Variants in PTPRM observed in about 807,000 individuals in gnomAD.
The protein encoded by PTPRM is protein tyrosine phosphatase receptor type M.
In PTPRM, 47 loss-of-function variants were observed where a neutral mutation model predicts 186.7. The ratio of observed to expected loss-of-function variants is 0.25; its 90% CI spans 0.20 to 0.32. PTPRM has a LOEUF of 0.32. Ranked by LOEUF, PTPRM falls within the 10% of genes least tolerant of loss-of-function variation. The pLI is 1.00. For synonymous variants in PTPRM, 668 were observed against 674.9 expected (o/e 0.99, Z 0.16); for missense variants, 1,494 against 1,865.0 (o/e 0.80, Z 3.66).
In PTPRM at chr18:7,906,488, C is replaced by A. The variant is rs762231180; in HGVS notation, c.469-17C>A. On this transcript the variant is annotated splice_polypyrimidine_tract_variant and intron_variant, in intron 3 of 32. Transcript: ENST00000580170. ...GACAAAATGAATAAATAATGTAAAT[C>A]TTTCTTAATTTTCCAGGTGATTTTT... 1.9e-6 allele frequency: 3 copies of A among 1,577,888 alleles called. No individual in the cohort carries two copies. Among genetic ancestry groups the A allele is most frequent in the Admixed American group, 1.7e-5 (1 of 59,914 alleles).
At chr18:7,859,086 C>T (rs1280938174) in intron 2 of PTPRM, among the ~76,000 whole-genome samples, 1 of 152,188 alleles carries the variant, frequency 6.6e-6, no homozygotes, top group Non-Finnish European at 1.5e-5. Flanking sequence ...TGAGCAGCTT[C>T]ACTTATAACC....
intron 19 of PTPRM, among the ~76,000 whole-genome samples, chr18:8,272,613 G>A (rs1215603268): frequency 6.6e-6 from 1 of 152,018 alleles, no homozygotes; most frequent in East Asian, 1.9e-4. Flanking sequence ...TCAGTGCATG[G>A]AAGATTTTTA....
intron 1 of PTPRM, among the ~76,000 whole-genome samples, chr18:7,682,956 G>T (rs554426019): frequency 1.3e-5 from 2 of 152,174 alleles, no homozygotes; most frequent in African/African-American, 4.8e-5. Flanking sequence ...GCAAATTTAA[G>T]AGTAAAAAGC....
chr18:7,682,770 A>G (rs1309310828), intron 1 of PTPRM, among the ~76,000 whole-genome samples: 2 of 152,146 alleles, frequency 1.3e-5, no homozygotes, highest in African/African-American at 4.8e-5. Flanking sequence ...GCTTGGAGGA[A>G]GTCGTTTATG....
At chr18:7,867,597 G>T (rs887828714) in intron 2 of PTPRM, among the ~76,000 whole-genome samples, 1 of 152,168 alleles carries the variant, frequency 6.6e-6, no homozygotes, top group East Asian at 1.9e-4. Flanking sequence ...CCCTTTGTGG[G>T]TAACCCGACC....
chr18:8,096,194 A>G (rs2091008971), intron 11 of PTPRM, among the ~76,000 whole-genome samples: 1 of 152,234 alleles, frequency 6.6e-6, no homozygotes, highest in South Asian at 2.1e-4. Context: ...AAGGCATGCC[A>G]GCAGCACACT....
intron 2 of PTPRM, among the ~76,000 whole-genome samples, chr18:7,846,606 T>G (rs2046609714): frequency 6.6e-6 from 1 of 152,314 alleles, no homozygotes; most frequent in South Asian, 2.1e-4. Flanking sequence ...TTGTTATTGG[T>G]TTGTGTTCCT....
chr18:8,229,939 C>A (rs1040106959), intron 14 of PTPRM, among the ~76,000 whole-genome samples: 1 of 152,210 alleles, frequency 6.6e-6, no homozygotes, highest in South Asian at 2.1e-4. Context: ...TTGCAGACAC[C>A]TTTCCTCACC....
intron 9 of PTPRM, among the ~76,000 whole-genome samples, chr18:8,078,342 C>G (rs620346): frequency 6.6e-6 from 1 of 152,112 alleles, no homozygotes; most frequent in South Asian, 2.1e-4. Context: ...TACATGTTGA[C>G]CCAGATTCAG....
In PTPRM at chr18:7,739,399, A is replaced by G. The variant is rs932988882; in HGVS notation, c.74-34750A>G. Among the ~76,000 whole-genome samples the G allele has an allele frequency of 3.9e-5, 6 of 152,234 alleles. No homozygotes were observed. The South Asian group carries it at 6.2e-4, about 16-fold the overall frequency. On this transcript the variant is annotated intron_variant, in intron 1 of 32. Transcript: ENST00000580170. Reference sequence around the variant, plus strand: ...TTGCTTTCTGTCTAACATCATTTCCATAATAAACAGCAAGTAGTAAGTCAT... The same window carrying G: ...TTGCTTTCTGTCTAACATCATTTCCGTAATAAACAGCAAGTAGTAAGTCAT...
At chr18:8,313,309 T>C (rs1161764828) in intron 20 of PTPRM, among the ~76,000 whole-genome samples, 6 of 152,232 alleles carry the variant, frequency 3.9e-5, no homozygotes, top group Admixed American at 3.3e-4. Flanking sequence ...TCAGGGCAGC[T>C]GGCTTTTATC....
chr18:8,296,132 A>T (rs1429146340), intron 19 of PTPRM, among the ~76,000 whole-genome samples: 2 of 152,338 alleles, frequency 1.3e-5, no homozygotes, highest in South Asian at 4.1e-4. Context: ...TTGTGGGTTC[A>T]CTCTTCAGCT....
At chr18:7,672,846 A>G (rs192730608) in intron 1 of PTPRM, among the ~76,000 whole-genome samples, 1 of 152,316 alleles carries the variant, frequency 6.6e-6, no homozygotes, top group Non-Finnish European at 1.5e-5. Flanking sequence ...GGAACATAAA[A>G]GTCTAGTGAG....
intron 22 of PTPRM, among the ~76,000 whole-genome samples, chr18:8,337,357 G>C (rs1022567093): frequency 6.6e-6 from 1 of 152,278 alleles, no homozygotes; most frequent in East Asian, 1.9e-4. Flanking sequence ...TACTTTACAT[G>C]AGAGTGTGGG....
chr18:7,775,313 C>T (rs2042526684), intron 2 of PTPRM, among the ~76,000 whole-genome samples: 1 of 152,100 alleles, frequency 6.6e-6, no homozygotes, highest in African/African-American at 2.4e-5. Flanking sequence ...TGGTTATTTC[C>T]TTGCAGCTGC....
chr18:7,841,697 A>G (rs1291744191), intron 2 of PTPRM, among the ~76,000 whole-genome samples: 1 of 152,186 alleles, frequency 6.6e-6, no homozygotes, highest in East Asian at 1.9e-4. Flanking sequence ...CATTAGCATA[A>G]TCGTGAAACT....
At chr18:8,267,211 GCTTA>G (rs973489165) in intron 19 of PTPRM, among the ~76,000 whole-genome samples, 4 of 151,976 alleles carry the variant, frequency 2.6e-5, no homozygotes, top group African/African-American at 9.7e-5. Context: ...TATATTTTAA[GCTTA>G]CTTCTTGAAA....
chr18:8,125,968 T>C (rs2092325112), intron 13 of PTPRM, among the ~76,000 whole-genome samples: 1 of 125,818 alleles, frequency 7.9e-6, no homozygotes, highest in Non-Finnish European at 1.7e-5. Context: ...GCTATATGTG[T>C]GTGTATACAT....
chr18:8,284,804 T>G (rs1046412211), intron 19 of PTPRM, among the ~76,000 whole-genome samples: 2 of 152,138 alleles, frequency 1.3e-5, no homozygotes, highest in African/African-American at 4.8e-5. Context: ...CAAGGGCAGC[T>G]CTCTGTGTTC....
Sources: gnomAD v4.1 joint callset for allele counts (sites outside exome capture counted in the v4.1 genomes callset) on GRCh38, gnomAD v4.1.1 for gene constraint, MANE v1.5 for transcripts, NCBI Gene and HGNC (gene_info 2026-07-23, HGNC 2026-07-21) for gene names.